The following ASPH variants were observed in gnomAD, a reference collection of about 807,000 sequenced individuals.
ASPH encodes aspartate beta-hydroxylase, also known as aspartyl/asparaginyl beta-hydroxylase.
A neutral mutation model predicts 118.4 loss-of-function variants in ASPH; 100 were observed. The observed-to-expected ratio is 0.84, with a 90% confidence interval of 0.72 to 1.00. The LOEUF is 1.00. Ranked by LOEUF, ASPH falls within the 50% of genes least tolerant of loss-of-function variation. ASPH has a pLI of 0.00. For missense variants in ASPH, 920 were observed against 919.5 expected (o/e 1.00, Z -0.01); for synonymous variants, 315 against 325.6 (o/e 0.97, Z 0.35).
At chr8:61,530,242 T>C (rs1817057761) in intron 21 of ASPH, among the ~76,000 whole-genome samples, 1 of 152,200 alleles carries the variant, frequency 6.6e-6, no homozygotes, top group South Asian at 2.1e-4. Flanking sequence ...GAGAAACTAA[T>C]TGCATCAGTA....
At chr8:61,668,174 C>A in intron 3 of ASPH, 2 of 1,459,924 alleles carry the variant, frequency 1.4e-6, no homozygotes, top group South Asian at 2.4e-5. Context: ...CAGAAAATGT[C>A]ATGCATTTTC....
chr8:61,514,872 G>A (rs1810290572), intron 24 of ASPH, among the ~76,000 whole-genome samples: 1 of 151,826 alleles, frequency 6.6e-6, no homozygotes, highest in South Asian at 2.1e-4. Flanking sequence ...GGTCCTAAGT[G>A]GATTTTTCTC....
Position 61,555,924 on chromosome 8 carries a change from C to G in ASPH, c.1536G>C (p.Lys512Asn). 1 of 1,612,886 alleles carries G rather than the reference C, an allele frequency of 6.2e-7. No homozygotes were observed. The highest frequency in any genetic ancestry group is 8.5e-7 in the Non-Finnish European group (1 of 1,179,064). Residue 512 changes from lysine to asparagine, a missense_variant and splice_region_variant, in exon 19 of 25, where the codon AAG (lysine) becomes AAC (asparagine). Coordinates refer to ENST00000379454, the MANE Select transcript of ASPH (RefSeq NM_004318.4). ...NKIAESIPYL[K>N]EGIESGDPGT... ...GGAGAGGAGAAGCAGTGAGCATTAC[C>G]TTTAAATATGGGATGCTCTCAGCAA...
At chr8:61,643,848 C>T in intron 8 of ASPH, 97 bp downstream of exon 8, 1 of 900,780 alleles carries the variant, frequency 1.1e-6, no homozygotes, top group South Asian at 1.4e-5. Context: ...ATACAGGGAT[C>T]TCTGTGTTGA....
intron 1 of ASPH, among the ~76,000 whole-genome samples, chr8:61,701,377 CCCAGTCAT>C (rs1405475837): frequency 6.6e-6 from 1 of 152,192 alleles, no homozygotes; most frequent in African/African-American, 2.4e-5. Context: ...CTCTATCCTA[CCCAGTCAT>C]CTTAAATGTC....
At chr8:61,680,932 A>G in intron 3 of ASPH, 36 bp downstream of exon 3, 2 of 1,529,538 alleles carry the variant, frequency 1.3e-6, no homozygotes, top group South Asian at 1.2e-5. Flanking sequence ...CCAGCATTTT[A>G]TCACCACTAA....
At chr8:61,572,725 T>C (rs1040149033) in intron 16 of ASPH, among the ~76,000 whole-genome samples, 3 of 152,194 alleles carry the variant, frequency 2.0e-5, no homozygotes, top group African/African-American at 7.2e-5. Context: ...CTATTCTTTT[T>C]GCATCTACTT....
intron 5 of ASPH, 65 bp downstream of exon 5, chr8:61,650,985 A>C (rs954457384): frequency 2.1e-6 from 3 of 1,456,286 alleles, no homozygotes; most frequent in Non-Finnish European, 2.8e-6. Flanking sequence ...CAAATGTCCA[A>C]GTCATTTTAC....
At chr8:61,561,102 G>A (rs1829746340) in intron 18 of ASPH, among the ~76,000 whole-genome samples, 1 of 104,020 alleles carries the variant, frequency 9.6e-6, no homozygotes, top group South Asian at 4.1e-4. Context: ...GAGGGAGAGA[G>A]GGAGGGAGGG....
intron 21 of ASPH, among the ~76,000 whole-genome samples, chr8:61,544,755 C>T (rs539579929): frequency 1.3e-5 from 2 of 152,306 alleles, no homozygotes; most frequent in Non-Finnish European, 2.9e-5. Context: ...GAGAACCCAT[C>T]ATGTATTAGA....
chr8:61,549,179 AT>A (rs896808394), intron 20 of ASPH, among the ~76,000 whole-genome samples: 3 of 152,250 alleles, frequency 2.0e-5, no homozygotes, highest in African/African-American at 7.2e-5. Flanking sequence ...TTCTTTGTAA[AT>A]CACCAGATAC....
chr8:61,549,010 T>G (rs528635527), intron 20 of ASPH, among the ~76,000 whole-genome samples: 133 of 152,294 alleles, frequency 8.7e-4, no homozygotes, highest in African/African-American at 3.1e-3. Flanking sequence ...TCCTGCACCA[T>G]GCATGTTCCA....
intron 13 of ASPH, chr8:61,624,237 A>C: frequency 1.0e-6 from 1 of 985,424 alleles, no homozygotes; most frequent in Non-Finnish European, 1.2e-6. Context: ...AATTTGGGGA[A>C]AAAAGGTGGA....
intron 19 of ASPH, among the ~76,000 whole-genome samples, chr8:61,554,010 G>T (rs1048460789): frequency 6.6e-6 from 1 of 152,218 alleles, no homozygotes; most frequent in Non-Finnish European, 1.5e-5. Context: ...TGTGGCGAGG[G>T]CTTCTAATTG....
intron 1 of ASPH, 52 bp downstream of exon 1, chr8:61,714,217 G>T: frequency 3.6e-6 from 5 of 1,378,450 alleles, no homozygotes; most frequent in Non-Finnish European, 4.7e-6. Flanking sequence ...GCGCCAGCCG[G>T]CTCCCTACCC....
At chr8:61,702,674 T>C (rs547949867) in intron 1 of ASPH, among the ~76,000 whole-genome samples, 1 of 152,270 alleles carries the variant, frequency 6.6e-6, no homozygotes, top group East Asian at 1.9e-4. Context: ...GAATATGACC[T>C]TGATAACAAA....
In ASPH at chr8:61,576,794, C is replaced by G. The variant is rs773731675; in HGVS notation, c.1127G>C (p.Arg376Pro). 4.3e-6 allele frequency: 7 copies of G among 1,609,328 alleles called. No homozygotes were observed. Among genetic ancestry groups the G allele is most frequent in the Non-Finnish European group, 5.1e-6 (6 of 1,177,256 alleles). Reference protein sequence around the residue: ...ELVRKYPQSPRARYGKAQCED... With the variant: ...ELVRKYPQSPPARYGKAQCED... The stretch of plus-strand genomic sequence containing the variant: ...TACCTGCGCCTTCCCATATCTTGCT[C>G]GTGGACTCTGAGGGTATTTGCGTAC... Residue 376 changes from arginine to proline, a missense_variant, in exon 16 of 25, where the codon CGA (arginine) becomes CCA (proline). Transcript: ENST00000379454.
intron 17 of ASPH, among the ~76,000 whole-genome samples, chr8:61,566,500 G>A (rs1831734280): frequency 6.6e-6 from 1 of 152,222 alleles, no homozygotes; most frequent in Non-Finnish European, 1.5e-5. Context: ...CATAAACTTT[G>A]TTGATAAGGC....
At chr8:61,576,154 T>C (rs1247095718) in intron 16 of ASPH, among the ~76,000 whole-genome samples, 1 of 152,198 alleles carries the variant, frequency 6.6e-6, no homozygotes, top group African/African-American at 2.4e-5. Context: ...TAGCTGCACC[T>C]GACTAACCAT....
Sources: gnomAD v4.1 joint callset for allele counts (sites outside exome capture counted in the v4.1 genomes callset) on GRCh38, gnomAD v4.1.1 for gene constraint, MANE v1.5 for transcripts, NCBI Gene and HGNC (gene_info 2026-07-23, HGNC 2026-07-21) for gene names.